The following CCDC174 variants were observed in gnomAD, a reference collection of about 807,000 sequenced individuals.
CCDC174 encodes coiled-coil domain containing 174, also known as coiled-coil domain-containing protein 174.
Under a neutral mutation model 57.1 loss-of-function variants are expected in CCDC174, and 37 were observed. The ratio of observed to expected loss-of-function variants is 0.65; its 90% CI spans 0.50 to 0.85. The LOEUF (loss-of-function observed/expected upper bound fraction) is 0.85, where lower values mean the gene tolerates loss of function less well. Ranked by LOEUF, CCDC174 falls within the 40% of genes least tolerant of loss-of-function variation. CCDC174 has a pLI of 0.00. For missense variants in CCDC174, 540 were observed against 574.3 expected, an observed-to-expected ratio of 0.94 and a Z score of 0.61; for synonymous variants, 182 against 190.2, an observed-to-expected ratio of 0.96 and a Z score of 0.35.
chr3:14,669,139 C>G (rs1293444248), intron 9 of CCDC174, among the ~76,000 whole-genome samples: 2 of 152,186 alleles, frequency 1.3e-5, no homozygotes, highest in African/African-American at 4.8e-5. Flanking sequence ...AGCAAGGTGG[C>G]CACATGCTCA....
intron 5 of CCDC174, among the ~76,000 whole-genome samples, chr3:14,662,418 T>C (rs950464911): frequency 1.3e-5 from 2 of 149,852 alleles, no homozygotes; most frequent in Non-Finnish European, 3.0e-5. Flanking sequence ...TTGTAAACTT[T>C]TATTATTGTC....
At chr3:14,655,888 T>G (rs994563080) in intron 3 of CCDC174, among the ~76,000 whole-genome samples, 1 of 152,210 alleles carries the variant, frequency 6.6e-6, no homozygotes, top group Non-Finnish European at 1.5e-5. Context: ...CAATACATTT[T>G]TAAGAGGTTT....
At position 14,667,096 on chromosome 3, in the gene CCDC174, C is replaced by T. The variant is rs372914503; in HGVS notation, c.724+149C>T. The T allele has an allele frequency of 7.7e-4, 543 of 707,194 alleles. 2 individuals are homozygous for T. Among genetic ancestry groups the T allele is most frequent in the Non-Finnish European group, 1.2e-3 (503 of 430,100 alleles). 43.8% of individuals were successfully genotyped at this position (707,194 alleles called of 1,614,324 possible). A position where few individuals can be genotyped will look rare whatever the true frequency, so the allele number is the denominator to read the frequency against. ...TAGAAAATATCTCCTTTGTTCACTT[C>T]ATAGCCTTAAAATACTCACATTTGG... On this transcript the variant is annotated intron_variant, in intron 7 of 10. Transcript: ENST00000383794.
Position 14,668,111 on chromosome 3 carries a change from A to G in CCDC174, c.882A>G (p.Ala294=), listed in dbSNP as rs1297535223. 1.2e-6 allele frequency: 2 copies of G among 1,611,454 alleles called. No homozygotes were observed. Among genetic ancestry groups the G allele is most frequent in the Non-Finnish European group, 8.5e-7 (1 of 1,178,906 alleles). Reference sequence around the variant, plus strand: ...AAAAGCGAAAGGCTATCTTAGAGGCAAGACTTGCCAAACTTCGACAAAAAA... The same window carrying G: ...AAAAGCGAAAGGCTATCTTAGAGGCGAGACTTGCCAAACTTCGACAAAAAA... ...IKEKRKAILE[A]RLAKLRQKKM... is the part of the protein sequence containing the mutation. The change falls in exon 9 of 11, where the codon GCA becomes GCG. Residue 294 remains alanine (A), a synonymous_variant. Coordinates refer to ENST00000383794, the MANE Select transcript of CCDC174 (RefSeq NM_016474.5).
chr3:14,661,311 A>G (rs906390780), intron 4 of CCDC174, among the ~76,000 whole-genome samples: 10 of 150,168 alleles, frequency 6.7e-5, no homozygotes, highest in African/African-American at 2.4e-4. Flanking sequence ...TGTATTGATG[A>G]GGCAATAGAA....
At chr3:14,668,440 G>A (rs940400467) in intron 9 of CCDC174, among the ~76,000 whole-genome samples, 1 of 152,138 alleles carries the variant, frequency 6.6e-6, no homozygotes, top group South Asian at 2.1e-4. Context: ...TTGTAATTGA[G>A]ACTTAGTAAA....
chr3:14,665,219 T>C (rs1222488774), intron 6 of CCDC174, 96 bp downstream of exon 6: 1 of 861,642 alleles, frequency 1.2e-6, no homozygotes, highest in Non-Finnish European at 2.0e-6. Context: ...TAATGATCTC[T>C]GTTGCTCCAG....
chr3:14,660,305 A>AT (rs2031087926), intron 4 of CCDC174, among the ~76,000 whole-genome samples: 1 of 152,196 alleles, frequency 6.6e-6, no homozygotes, highest in Non-Finnish European at 1.5e-5. Context: ...GGAGTTTGAG[A>AT]CCAGCCCAGC....
chr3:14,665,240 TTGA>T, intron 6 of CCDC174, 117 bp downstream of exon 6: 1 of 653,458 alleles, frequency 1.5e-6, no homozygotes, highest in Non-Finnish European at 2.7e-6. Flanking sequence ...TAAGGAGATA[TTGA>T]TTGATTGATT....
In CCDC174 at chr3:14,651,844, G is replaced by C. The variant is rs774985497; in HGVS notation, c.8G>C (p.Arg3Pro). The change falls in exon 1 of 11, where the codon CGT becomes CCT. Residue 3 changes from arginine (R) to proline (P), a missense_variant. Arg to Pro is a moderately radical substitution (Grantham distance 103). Transcript: ENST00000383794. Reference sequence around the variant, plus strand: ...GGACCCTCTGCCACGACCATGGACCGTAGGAAAAAGCCTTTGGACGTCACG... The same window carrying C: ...GGACCCTCTGCCACGACCATGGACCCTAGGAAAAAGCCTTTGGACGTCACG... Reference protein sequence around the residue: MDRRKKPLDVTAS... With the variant: MDPRKKPLDVTAS... 2 of 1,614,098 alleles carry C rather than the reference G, an allele frequency of 1.2e-6. No homozygotes were observed. The highest frequency in any genetic ancestry group is 1.7e-6 in the Non-Finnish European group (2 of 1,179,960).
rs563961464 is a variant in CCDC174 at position 14,663,493 on chromosome 3, G to A, written c.486-1535G>A. ...CAGTGTTGTTAATAAGCGTTTCATG[G>A]GTGTGTGCCTTAACTTCCCTAGACC... is the stretch of plus-strand genomic sequence containing the variant. On this transcript the variant is annotated intron_variant, in intron 5 of 10. Coordinates refer to ENST00000383794, the MANE Select transcript of CCDC174 (RefSeq NM_016474.5). Among the ~76,000 whole-genome samples, 33 of 152,254 alleles carry A rather than the reference G, an allele frequency of 2.2e-4. 1 individual carries two copies. Among genetic ancestry groups the A allele is most frequent in the African/African-American group, 7.5e-4 (31 of 41,530 alleles).
Position 14,659,518 on chromosome 3 carries a change from C to G in CCDC174, c.307+589C>G, listed in dbSNP as rs73139846. Reference sequence around the variant, plus strand: ...CCCGGGCAACATGGTGAGACTCTGTCTCTACAAAAAGTAATTTAAAAATTA... The same window carrying G: ...CCCGGGCAACATGGTGAGACTCTGTGTCTACAAAAAGTAATTTAAAAATTA... On this transcript the variant is annotated intron_variant, in intron 4 of 10. Transcript: ENST00000383794. Among the ~76,000 whole-genome samples the G allele has an allele frequency of 4.0e-3, 611 of 152,186 alleles. 3 individuals are homozygous for G. Among genetic ancestry groups the G allele is most frequent in the African/African-American group, 0.014 (566 of 41,516 alleles).
intron 8 of CCDC174, 77 bp from the exon 9 acceptor site, chr3:14,667,972 G>A: frequency 7.0e-7 from 1 of 1,438,454 alleles, no homozygotes; most frequent in Non-Finnish European, 9.4e-7. Context: ...TCTATTTTTA[G>A]AAGAAAATTT....
At chr3:14,665,168 A>T (rs1458798789) in intron 6 of CCDC174, 45 bp downstream of exon 6, 8 of 1,324,426 alleles carry the variant, frequency 6.0e-6, no homozygotes, top group African/African-American at 1.4e-5. Context: ...TCTGAAATGC[A>T]GCCACAGGGA....
intron 3 of CCDC174, among the ~76,000 whole-genome samples, chr3:14,656,064 T>TA (rs1553606304): frequency 6.6e-6 from 1 of 151,952 alleles, no homozygotes; most frequent in Non-Finnish European, 1.5e-5. Flanking sequence ...CTCTCTCTCT[T>TA]ACACACACAC....
In CCDC174 at chr3:14,672,606, T is replaced by A. The variant is rs1003494233; in HGVS notation, c.*1412T>A. On this transcript the variant is annotated 3_prime_UTR_variant, in exon 11 of 11. Coordinates refer to ENST00000383794, the MANE Select transcript of CCDC174 (RefSeq NM_016474.5). ...TTTAATGGTCAGCCTAATCATTCTG[T>A]CAGCCTAATCGGGTAATTGCTTTTT... 1 of 152,242 alleles carries A rather than the reference T, an allele frequency of 6.6e-6. No individual in the cohort carries two copies. Among genetic ancestry groups the A allele is most frequent in the Non-Finnish European group, 1.5e-5 (1 of 68,060 alleles). 9.4% of individuals were successfully genotyped at this position (152,242 alleles called of 1,614,324 possible).
chr3:14,668,250 G>A, intron 9 of CCDC174, 69 bp downstream of exon 9: 1 of 1,421,660 alleles, frequency 7.0e-7, no homozygotes, highest in Non-Finnish European at 9.6e-7. Flanking sequence ...TTGCTAATAG[G>A]GCTGGCAATG....
At chr3:14,651,990 TC>T (rs2030784437) in intron 1 of CCDC174, 112 bp downstream of exon 1, 2 of 1,069,076 alleles carry the variant, frequency 1.9e-6, no homozygotes, top group East Asian at 5.2e-5. Flanking sequence ...ACCTGACCTC[TC>T]CCCTCAAACA....
chr3:14,660,523 T>C (rs1468283079), intron 4 of CCDC174, among the ~76,000 whole-genome samples: 1 of 152,176 alleles, frequency 6.6e-6, no homozygotes, highest in Non-Finnish European at 1.5e-5. Context: ...AAAAAAAAGT[T>C]TATTTTATTA....
Sources: allele counts gnomAD v4.1 joint callset (sites outside exome capture counted in the v4.1 genomes callset), GRCh38; gene constraint gnomAD v4.1.1; transcripts MANE v1.5; gene names NCBI Gene and HGNC (gene_info 2026-07-23, HGNC 2026-07-21).